CREB5: variants seen among roughly 807,000 people sequenced by gnomAD.
The protein encoded by CREB5 is cyclic AMP-responsive element-binding protein 5.
A neutral mutation model predicts 57.1 loss-of-function variants in CREB5; 19 were observed. The ratio of observed to expected loss-of-function variants is 0.33; its 90% CI spans 0.23 to 0.49. The LOEUF is 0.49. CREB5 is among the 20% of genes least tolerant of loss of function. The pLI, the probability that CREB5 is intolerant of heterozygous loss-of-function variation, is 0.99. For synonymous variants in CREB5, 238 were observed against 238.3 expected (o/e 1.00, Z 0.01); for missense variants, 579 against 671.6 (o/e 0.86, Z 1.52).
intron 7 of CREB5, among the ~76,000 whole-genome samples, chr7:28,789,548 G>C (rs1459322187): frequency 1.3e-5 from 2 of 152,172 alleles, no homozygotes; most frequent in African/African-American, 4.8e-5. Flanking sequence ...CTCGGTTATA[G>C]CATCCTTTTG....
chr7:28,597,730 G>A (rs1796740319), intron 5 of CREB5, among the ~76,000 whole-genome samples: 1 of 152,118 alleles, frequency 6.6e-6, no homozygotes, highest in South Asian at 2.1e-4. Flanking sequence ...GGCCCCTGAT[G>A]AGCCACAGCT....
rs1562798710 is a variant in CREB5, at chr7:28,561,033, T to TGTGTGC, written c.292-9327_292-9326insCGTGTG. Among the ~76,000 whole-genome samples, 50 of 83,476 alleles carry TGTGTGC rather than the reference T, an allele frequency of 6.0e-4. 3 individuals carry two copies. Among genetic ancestry groups the TGTGTGC allele is most frequent in the Middle Eastern group, 0.014 (2 of 144 alleles). The allele number at this position is 83,476 out of a possible 152,430, so 54.8% of individuals were successfully genotyped here. A position where few individuals can be genotyped will look rare whatever the true frequency, so the allele number is the denominator to read the frequency against. ...GTGTGTGTGCGTGTGTGCGTGTGTG[T>TGTGTGC]GTGTGTGTGTGAAGGTATTTTTCAG... is the stretch of plus-strand genomic sequence containing the variant. On this transcript the variant is annotated intron_variant, in intron 4 of 10. Transcript: ENST00000357727.
chr7:28,702,241 A>G (rs1801899763), intron 5 of CREB5, among the ~76,000 whole-genome samples: 2 of 152,238 alleles, frequency 1.3e-5, no homozygotes, highest in African/African-American at 2.4e-5. Context: ...TAAAAGTTAT[A>G]GGTTTTGATC....
chr7:28,633,884 T>A (rs1798303989), intron 5 of CREB5, among the ~76,000 whole-genome samples: 1 of 152,218 alleles, frequency 6.6e-6, no homozygotes, highest in African/African-American at 2.4e-5. Flanking sequence ...ACAGAATTCA[T>A]GCTGCCTATA....
chr7:28,533,050 T>A (rs1034378374), intron 4 of CREB5, among the ~76,000 whole-genome samples: 2 of 151,646 alleles, frequency 1.3e-5, no homozygotes, highest in Non-Finnish European at 1.5e-5. Flanking sequence ...AGGTCAGGAG[T>A]TCAAGACCAG....
chr7:28,546,969 A>G (rs1794447801), intron 4 of CREB5, among the ~76,000 whole-genome samples: 1 of 152,258 alleles, frequency 6.6e-6, no homozygotes, highest in Admixed American at 6.5e-5. Context: ...GTTACAATTA[A>G]CTAATTAAAA....
At chr7:28,520,902 A>C (rs1015813708) in intron 4 of CREB5, among the ~76,000 whole-genome samples, 3 of 152,232 alleles carry the variant, frequency 2.0e-5, no homozygotes, top group African/African-American at 7.2e-5. Flanking sequence ...ATTTTAAGAA[A>C]GCCTATTAGA....
At chr7:28,679,052 C>CTT (rs56266854) in intron 5 of CREB5, among the ~76,000 whole-genome samples, 36,523 of 123,856 alleles carry the variant, frequency 0.29, 5,342 homozygotes, top group South Asian at 0.35. Flanking sequence ...TTTTGTAGTT[C>CTT]TTTTTTTTTT....
chr7:28,767,617 T>C (rs1203209743), intron 7 of CREB5, among the ~76,000 whole-genome samples: 1 of 151,854 alleles, frequency 6.6e-6, no homozygotes, highest in Non-Finnish European at 1.5e-5. Flanking sequence ...TAACATGGAG[T>C]GGGAATGGGG....
At position 28,560,914 on chromosome 7, in the gene CREB5, G is replaced by GTGCA. The variant is rs1491210089; in HGVS notation, c.292-9451_292-9450insTGCA. Among the ~76,000 whole-genome samples, 18 of 36,294 alleles carry GTGCA rather than the reference G, an allele frequency of 5.0e-4. 2 individuals are homozygous for GTGCA. Among genetic ancestry groups the GTGCA allele is most frequent in the South Asian group, 2.0e-3 (2 of 1,024 alleles). The allele number at this position is 36,294 out of a possible 152,430, so 23.8% of individuals were successfully genotyped here. A position where few individuals can be genotyped will look rare whatever the true frequency, so the allele number is the denominator to read the frequency against. On this transcript the variant is annotated intron_variant, in intron 4 of 10. Transcript: ENST00000357727. ...TGTGTGTGCGTGCGCGCGTGCGTGTGCGTGTGTGCGCGTGCGTGTGTGCGT... is the reference window on the plus strand; with the variant it reads ...TGTGTGTGCGTGCGCGCGTGCGTGTGTGCACGTGTGTGCGCGTGCGTGTGTGCGT...
chr7:28,453,046 G>A (rs10225620), intron 1 of CREB5, among the ~76,000 whole-genome samples: 34,458 of 152,178 alleles, frequency 0.23, 4,369 homozygotes, highest in Middle Eastern at 0.31. Flanking sequence ...CCCAAATGGC[G>A]AGTAACTCTC....
chr7:28,568,109 T>C (rs927372629), intron 4 of CREB5, among the ~76,000 whole-genome samples: 9 of 152,306 alleles, frequency 5.9e-5, no homozygotes, highest in Admixed American at 1.3e-4. Flanking sequence ...GGTGGAAGGA[T>C]GGACGGAAAG....
At chr7:28,380,994 T>G (rs1163977791) in intron 1 of CREB5, among the ~76,000 whole-genome samples, 1 of 152,202 alleles carries the variant, frequency 6.6e-6, no homozygotes, top group Non-Finnish European at 1.5e-5. Context: ...GAACTAGGGA[T>G]TAGTATAAAA....
chr7:28,749,518 G>A (rs186164127), intron 7 of CREB5: 3 of 152,190 alleles, frequency 2.0e-5, no homozygotes, highest in African/African-American at 4.8e-5. Flanking sequence ...TACAAATAAC[G>A]TGGATGAAAT....
At chr7:28,337,339 A>G (rs1785843226) in intron 1 of CREB5, among the ~76,000 whole-genome samples, 1 of 152,078 alleles carries the variant, frequency 6.6e-6, no homozygotes, top group African/African-American at 2.4e-5. Context: ...CTCTCTCTTT[A>G]GCTCTAATAA....
intron 1 of CREB5, among the ~76,000 whole-genome samples, chr7:28,401,431 T>C (rs1787460902): frequency 6.6e-6 from 1 of 152,120 alleles, no homozygotes; most frequent in Non-Finnish European, 1.5e-5. Flanking sequence ...TATTTTTTTA[T>C]AATGTAAGTT....
At chr7:28,660,393 T>A (rs2128712841) in intron 5 of CREB5, among the ~76,000 whole-genome samples, 1 of 151,142 alleles carries the variant, frequency 6.6e-6, no homozygotes, top group Admixed American at 6.6e-5. Context: ...TTTTTTTTTT[T>A]TTTTTTTTGA....
intron 5 of CREB5, among the ~76,000 whole-genome samples, chr7:28,588,905 A>C (rs1207827163): frequency 6.6e-6 from 1 of 152,184 alleles, no homozygotes; most frequent in Non-Finnish European, 1.5e-5. Context: ...TGGAAGGGAC[A>C]ACATTATTAT....
chr7:28,584,794 A>G (rs1466894206), intron 5 of CREB5, among the ~76,000 whole-genome samples: 1 of 151,276 alleles, frequency 6.6e-6, no homozygotes, highest in African/African-American at 2.4e-5. Context: ...AAAAAAAAAA[A>G]CTATCACTCC....
Sources: allele counts gnomAD v4.1 joint callset (sites outside exome capture counted in the v4.1 genomes callset), GRCh38; gene constraint gnomAD v4.1.1; transcripts MANE v1.5; gene names NCBI Gene and HGNC (gene_info 2026-07-23, HGNC 2026-07-21).